Variants in PASD1 observed in about 807,000 individuals in gnomAD.
The protein encoded by PASD1 is circadian clock protein PASD1.
A neutral mutation model predicts 58.8 loss-of-function variants in PASD1; 13 were observed. The ratio of observed to expected loss-of-function variants is 0.22; its 90% confidence interval spans 0.14 to 0.35. The LOEUF (loss-of-function observed/expected upper bound fraction) is 0.35. PASD1 is among the 10% of genes least tolerant of loss of function. The pLI, the probability that PASD1 is intolerant of heterozygous loss-of-function variation, is 1.00. For missense variants in PASD1, 734 were observed against 568.3 expected (o/e 1.29, Z -2.96); for synonymous variants, 236 against 216.7 (o/e 1.09, Z -0.78).
At position 151,653,787 on chromosome X, in the gene PASD1, TTTCTTTCTTTCTTTCCTTCC is replaced by T. The variant is rs1569413697; in HGVS notation, c.717+5089_717+5108del. On this transcript the variant is annotated intron_variant, in intron 9 of 15. Transcript: ENST00000370357. ...CTTTCTTTCTTTCTTTCTTTCTTTC[TTTCTTTCTTTCTTTCCTTCC>T]TTCCTTCCTTCCTTCCTTCCTTCCT... Among the ~76,000 whole-genome samples, 6 of 14,238 alleles carry T rather than the reference TTTCTTTCTTTCTTTCCTTCC, an allele frequency of 4.2e-4. 1 individual carries two copies. Among genetic ancestry groups the T allele is most frequent in the African/African-American group, 1.0e-3 (6 of 5,995 alleles). The allele number at this position is 14,238 out of a possible 115,157, so 12.4% of individuals were successfully genotyped here. A position where few individuals can be genotyped will look rare whatever the true frequency, so the allele number is the denominator to read the frequency against.
At position 151,674,171 on chromosome X, in the gene PASD1, A is replaced by G. The variant is rs2014514761; in HGVS notation, c.2160A>G (p.Gln720=). Residue 720 remains glutamine, a synonymous_variant, in exon 15 of 16, where the codon CAA becomes CAG. Transcript: ENST00000370357. ...SCDEQGTLHG[Q]PTYHQVQVSE... ...ATGAGCAGGGCACCCTGCACGGCCA[A>G]CCCACCTACCATCAGGTATGGGACA... 3.3e-6 allele frequency: 4 copies of G among 1,211,473 alleles called. No homozygotes were observed. Among genetic ancestry groups the G allele is most frequent in the Non-Finnish European group, 4.5e-6 (4 of 895,438 alleles).
In PASD1 at chrX:151,674,133, A is replaced by G. The variant is rs2014514210; in HGVS notation, c.2122A>G (p.Thr708Ala). Residue 708 changes from threonine to alanine, a missense_variant, in exon 15 of 16, where the codon ACT becomes GCT. Coordinates refer to ENST00000370357, the MANE Select transcript of PASD1 (RefSeq NM_173493.3). The part of the protein sequence containing the change: ...DSLGPVVQVN[T>A]WSCDEQGTLH... The stretch of plus-strand genomic sequence containing the variant: ...ACTCGGTCCTGTTGTCCAAGTGAAC[A>G]CTTGGTCTTGCGATGAGCAGGGCAC... The G allele has an allele frequency of 5.0e-6, 6 of 1,211,875 alleles. No individual in the cohort carries two copies. In the East Asian group the frequency reaches 1.8e-4, roughly 36 times the overall value.
intron 3 of PASD1, among the ~76,000 whole-genome samples, chrX:151,605,346 A>T (rs2013474764): frequency 8.9e-6 from 1 of 111,798 alleles, no homozygotes; most frequent in South Asian, 3.8e-4. Context: ...TAAAGTGAAC[A>T]TGTGTAAAAT....
intron 1 of PASD1, among the ~76,000 whole-genome samples, chrX:151,576,393 C>T (rs2013006495): frequency 8.9e-6 from 1 of 112,293 alleles, no homozygotes; most frequent in Non-Finnish European, 1.9e-5. Context: ...GATGTAACAT[C>T]ATTCAAATAG....
At chrX:151,628,595 CT>C (rs1475610768) in intron 8 of PASD1, among the ~76,000 whole-genome samples, 1 of 111,645 alleles carries the variant, frequency 9.0e-6, no homozygotes, top group Non-Finnish European at 1.9e-5. Flanking sequence ...TTACTGTAGC[CT>C]TGTAGTATAG....
intron 1 of PASD1, among the ~76,000 whole-genome samples, chrX:151,571,261 T>C (rs2012923569): frequency 8.9e-6 from 1 of 112,220 alleles, no homozygotes; most frequent in South Asian, 3.7e-4. Context: ...TTGTTGTCCT[T>C]TGGCATTATG....
chrX:151,566,405 C>G (rs2012842301), intron 1 of PASD1, among the ~76,000 whole-genome samples: 1 of 111,630 alleles, frequency 9.0e-6, no homozygotes, highest in South Asian at 3.8e-4. Context: ...AAGGAGAAGG[C>G]AGAGGGAGAC....
At chrX:151,587,862 T>C (rs2013189536) in intron 1 of PASD1, among the ~76,000 whole-genome samples, 1 of 112,155 alleles carries the variant, frequency 8.9e-6, no homozygotes, top group Admixed American at 9.5e-5. Context: ...GAAAGTTATA[T>C]TCCCTTAAGA....
At chrX:151,609,555 A>G (rs1011760034) in intron 3 of PASD1, among the ~76,000 whole-genome samples, 1 of 112,168 alleles carries the variant, frequency 8.9e-6, no homozygotes, top group African/African-American at 3.2e-5. Context: ...TATAAATGGA[A>G]TCATACAGTA....
chrX:151,588,769 G>A (rs922913745), intron 1 of PASD1, among the ~76,000 whole-genome samples: 1 of 111,893 alleles, frequency 8.9e-6, no homozygotes, highest in Non-Finnish European at 1.9e-5. Context: ...CTTTATGAAA[G>A]ATAGAATATT....
At chrX:151,573,860 T>C (rs2012962437) in intron 1 of PASD1, among the ~76,000 whole-genome samples, 1 of 111,896 alleles carries the variant, frequency 8.9e-6, no homozygotes, top group South Asian at 3.8e-4. Flanking sequence ...GACAGTTTTA[T>C]TGTGGTGATG....
At chrX:151,613,556 A>G (rs2013596127) in intron 4 of PASD1, among the ~76,000 whole-genome samples, 1 of 109,923 alleles carries the variant, frequency 9.1e-6, no homozygotes, top group African/African-American at 3.3e-5. Flanking sequence ...TTGGATTCCT[A>G]GGTATTTTAT....
At chrX:151,672,702 G>A (rs1218218488) in intron 14 of PASD1, 41 bp downstream of exon 14, 1 of 1,193,195 alleles carries the variant, frequency 8.4e-7, no homozygotes, top group South Asian at 1.9e-5. Context: ...TATGATTATT[G>A]CTTTTCCCTC....
intron 11 of PASD1, among the ~76,000 whole-genome samples, chrX:151,668,064 C>T (rs942002291): frequency 5.4e-5 from 6 of 110,999 alleles, no homozygotes; most frequent in South Asian, 3.9e-4. Flanking sequence ...TGGTGAGAGA[C>T]GGCATCCCTG....
intron 1 of PASD1, among the ~76,000 whole-genome samples, chrX:151,592,255 T>G (rs972254027): frequency 1.4e-4 from 16 of 112,309 alleles, no homozygotes; most frequent in Non-Finnish European, 2.6e-4. Flanking sequence ...GTTGGGAAGA[T>G]CTGATAAATT....
chrX:151,662,571 A>C (rs2014325002), intron 10 of PASD1, among the ~76,000 whole-genome samples: 1 of 111,316 alleles, frequency 9.0e-6, no homozygotes, highest in South Asian at 3.8e-4. Flanking sequence ...ATGTCTATTC[A>C]TACTAACCCA....
chrX:151,640,247 C>G (rs2013981233), intron 8 of PASD1, among the ~76,000 whole-genome samples: 1 of 111,704 alleles, frequency 9.0e-6, no homozygotes, highest in Non-Finnish European at 1.9e-5. Context: ...TGGTCCTGCC[C>G]TGTTTTATGA....
At chrX:151,670,732 T>TTTG (rs1398067453) in intron 11 of PASD1, among the ~76,000 whole-genome samples, 1 of 112,138 alleles carries the variant, frequency 8.9e-6, no homozygotes, top group African/African-American at 3.2e-5. Context: ...CGCAGAATAC[T>TTTG]TTGGCACTGG....
chrX:151,627,816 C>T (rs182130948), intron 8 of PASD1, among the ~76,000 whole-genome samples: 3,067 of 111,744 alleles, frequency 0.027, 97 homozygotes, highest in African/African-American at 0.093. Context: ...TTCACAGTCC[C>T]ACCGACAGTG....
Sources: gnomAD v4.1 joint callset for allele counts (sites outside exome capture counted in the v4.1 genomes callset) on GRCh38, gnomAD v4.1.1 for gene constraint, MANE v1.5 for transcripts, NCBI Gene and HGNC (gene_info 2026-07-23, HGNC 2026-07-21) for gene names.